The following FBXO9 variants were observed in gnomAD, a reference collection of about 807,000 sequenced individuals.
FBXO9 encodes F-box only protein 9.
A neutral mutation model predicts 63.7 loss-of-function variants in FBXO9; 43 were observed. The ratio of observed to expected loss-of-function variants is 0.67; its 90% CI spans 0.53 to 0.87. FBXO9 has a LOEUF of 0.87. Ranked by LOEUF, FBXO9 falls within the 40% of genes least tolerant of loss-of-function variation. The pLI is 0.00. For synonymous variants in FBXO9, 156 were observed against 171.7 expected, an observed-to-expected ratio of 0.91 and a Z score of 0.72; for missense variants, 442 against 533.2, an observed-to-expected ratio of 0.83 and a Z score of 1.68.
At chr6:53,081,952 C>T (rs1212370770) in intron 6 of FBXO9, among the ~76,000 whole-genome samples, 1 of 151,932 alleles carries the variant, frequency 6.6e-6, no homozygotes, top group African/African-American at 2.4e-5. Context: ...GACTGTAGTC[C>T]CACCTACTTG....
At chr6:53,089,190 T>C (rs1762978290) in intron 7 of FBXO9, among the ~76,000 whole-genome samples, 1 of 152,036 alleles carries the variant, frequency 6.6e-6, no homozygotes, top group South Asian at 2.1e-4. Context: ...TTCTCCTGCC[T>C]CAGCCTCCCC....
At chr6:53,090,366 A>G (rs1211051395) in intron 7 of FBXO9, among the ~76,000 whole-genome samples, 1 of 152,160 alleles carries the variant, frequency 6.6e-6, no homozygotes, top group Non-Finnish European at 1.5e-5. Context: ...TTAACTTGTA[A>G]TTGTATGTGA....
Position 53,082,530 on chromosome 6 carries a change from A to C in FBXO9, c.565A>C (p.Ile189Leu). Residue 189 changes from isoleucine to leucine, a missense_variant, in exon 7 of 13, where the codon ATC (isoleucine) becomes CTC (leucine). By Grantham distance (5) the Ile-to-Leu change is conservative (BLOSUM62 2). This residue lies in a region of FBXO9 where 262 missense variants were observed against 362.1 expected (regional missense o/e 0.72). Transcript: ENST00000323557. ...GCTGCCAATGGAGGTCCTGATGTAC[A>C]TCTTCCGATGGGTGGTGTCTAGTGA... ...SVLPMEVLMY[I>L]FRWVVSSDLD... 2 of 1,613,816 alleles carry C rather than the reference A, an allele frequency of 1.2e-6. No individual in the cohort carries two copies. Among genetic ancestry groups the C allele is most frequent in the South Asian group, 2.2e-5 (2 of 91,074 alleles).
At position 53,077,071 on chromosome 6, in the gene FBXO9, GCT is replaced by G. The variant is rs1187093900; in HGVS notation, c.307+531_307+532del. On this transcript the variant is annotated intron_variant, in intron 4 of 12. Coordinates refer to ENST00000323557, the MANE Select transcript of FBXO9 (RefSeq NM_033480.3). ...TTAAAAATTATTCATTTTAAAATAT[GCT>G]CTTTTTATAGGTGAAAATTGCTTCA... 3.9e-5 allele frequency among the ~76,000 whole-genome samples: 6 copies of G among 152,086 alleles called. No individual in the cohort carries two copies. In the South Asian group the frequency reaches 6.2e-4, roughly 16 times the overall value.
At chr6:53,092,960 A>C in intron 9 of FBXO9, 136 bp downstream of exon 9, 1 of 495,866 alleles carries the variant, frequency 2.0e-6, no homozygotes, top group Admixed American at 3.8e-5. Context: ...CAATGTAGGA[A>C]TTGCACTAAA....
At chr6:53,065,818 T>G (rs1396633356) in intron 1 of FBXO9, 26 bp downstream of exon 1, 7 of 1,329,430 alleles carry the variant, frequency 5.3e-6, no homozygotes, top group Non-Finnish European at 6.7e-6. Flanking sequence ...GGCTCGAGGG[T>G]GGACGCCGCG....
intron 7 of FBXO9, among the ~76,000 whole-genome samples, chr6:53,089,339 T>G (rs1276363561): frequency 6.6e-6 from 1 of 152,124 alleles, no homozygotes; most frequent in Non-Finnish European, 1.5e-5. Context: ...CCTCCCAAAG[T>G]GCTGGGATTA....
chr6:53,073,362 C>A, intron 2 of FBXO9, 119 bp from the exon 3 acceptor site: 1 of 591,428 alleles, frequency 1.7e-6, no homozygotes, highest in Non-Finnish European at 2.7e-6. Context: ...ACAGTGATTT[C>A]TGGACTTAGA....
chr6:53,082,564 T>C lies in FBXO9; in HGVS notation c.599T>C (p.Leu200Pro). The change falls in exon 7 of 13, where the codon CTC (leucine) becomes CCC (proline). Residue 200 changes from leucine to proline, a missense_variant. This residue lies in a region of FBXO9 where 262 missense variants were observed against 362.1 expected (regional missense o/e 0.72). Transcript: ENST00000323557. Reference sequence around the variant, plus strand: ...TGGGTGGTGTCTAGTGACTTGGACCTCAGATCATTGGAGCAGTTGTCGCTG... The same window carrying C: ...TGGGTGGTGTCTAGTGACTTGGACCCCAGATCATTGGAGCAGTTGTCGCTG... Reference protein sequence around the residue: ...FRWVVSSDLDLRSLEQLSLVC... With the variant: ...FRWVVSSDLDPRSLEQLSLVC... The C allele has an allele frequency of 1.2e-6, 2 of 1,613,854 alleles. No homozygotes were observed. Among genetic ancestry groups the C allele is most frequent in the Non-Finnish European group, 1.7e-6 (2 of 1,179,780 alleles).
Position 53,076,513 on chromosome 6 carries a change from G to A in FBXO9, c.277G>A (p.Glu93Lys). ...TCGAGAACTCTTCCTAAAAGCAGTA[G>A]AAGAAGAACAAAATGGAGCTCTCTA... The part of the protein sequence containing the change: ...KARELFLKAV[E>K]EEQNGALYEA... The change falls in exon 4 of 13, where the codon GAA becomes AAA. Residue 93 changes from glutamate (E) to lysine (K), a missense_variant. Glu to Lys is a moderately conservative substitution (Grantham distance 56). Coordinates refer to ENST00000323557, the MANE Select transcript of FBXO9 (RefSeq NM_033480.3). 1 of 1,545,590 alleles carries A rather than the reference G, an allele frequency of 6.5e-7. No homozygotes were observed. Among genetic ancestry groups the A allele is most frequent in the Admixed American group, 2.3e-5 (1 of 43,508 alleles).
In FBXO9 at chr6:53,098,508, A is replaced by T. The variant is rs1474038238; in HGVS notation, c.*678A>T. 6.6e-6 allele frequency: 1 copy of T among 152,258 alleles called. No individual in the cohort carries two copies. Among genetic ancestry groups the T allele is most frequent in the Non-Finnish European group, 1.5e-5 (1 of 68,114 alleles). 9.4% of individuals were successfully genotyped at this position (152,258 alleles called of 1,614,324 possible). A position where few individuals can be genotyped will look rare whatever the true frequency, so the allele number is the denominator to read the frequency against. On this transcript the variant is annotated 3_prime_UTR_variant, in exon 13 of 13. Coordinates refer to ENST00000323557, the MANE Select transcript of FBXO9 (RefSeq NM_033480.3). ...GTAGTCCCAGCTATTTGGGAGGCTGATGCAGGAGAATAGCTTAAGCCCAGG... is the reference window on the plus strand; with the variant it reads ...GTAGTCCCAGCTATTTGGGAGGCTGTTGCAGGAGAATAGCTTAAGCCCAGG...
chr6:53,095,651 C>T lies in FBXO9; in HGVS notation c.1192C>T (p.His398Tyr), dbSNP rs1429783405. The T allele has an allele frequency of 6.2e-7, 1 of 1,609,800 alleles. No homozygotes were observed. Among genetic ancestry groups the T allele is most frequent in the South Asian group, 1.1e-5 (1 of 90,102 alleles). The change falls in exon 12 of 13, where the codon CAC (histidine) becomes TAC (tyrosine). Residue 398 changes from histidine (H) to tyrosine (Y), a missense_variant. Physicochemically the swap from His to Tyr is moderately conservative, Grantham distance 83. This residue lies in a region of FBXO9 where 262 missense variants were observed against 362.1 expected (regional missense o/e 0.72). Transcript: ENST00000323557. ...NKLIWIHHSC[H>Y]ITYKSTGETA... is the part of the protein sequence containing the mutation. ...ACTCATCTGGATACATCATTCTTGTCACATTACTTACAAGTAGGTGAATGC... is the reference window on the plus strand; with the variant it reads ...ACTCATCTGGATACATCATTCTTGTTACATTACTTACAAGTAGGTGAATGC...
At chr6:53,082,238 A>G (rs781775584) in intron 6 of FBXO9, among the ~76,000 whole-genome samples, 2 of 152,222 alleles carry the variant, frequency 1.3e-5, no homozygotes, top group Non-Finnish European at 2.9e-5. Flanking sequence ...ATTTATTTTA[A>G]TATGTCTGGC....
intron 6 of FBXO9, 96 bp from the exon 7 acceptor site, chr6:53,082,405 GATT>G: frequency 1.5e-6 from 1 of 689,514 alleles, no homozygotes; most frequent in Non-Finnish European, 2.5e-6. Flanking sequence ...CAGAGGGTGT[GATT>G]ATAAATTTCT....
Position 53,097,913 on chromosome 6 carries a change from TGTGC to T in FBXO9, c.*87_*90del, listed in dbSNP as rs1379808888. 8.5e-5 allele frequency: 14 copies of T among 163,984 alleles called. 1 individual carries two copies. Among genetic ancestry groups the T allele is most frequent in the Admixed American group, 2.1e-4 (2 of 9,422 alleles). 10.2% of individuals were successfully genotyped at this position (163,984 alleles called of 1,614,324 possible). A position where few individuals can be genotyped will look rare whatever the true frequency, so the allele number is the denominator to read the frequency against. The stretch of plus-strand genomic sequence containing the variant: ...AGCACCTAAGTTATAAATGTGTGTG[TGTGC>T]GTGTGTGTGTATATATATATATATA... On this transcript the variant is annotated 3_prime_UTR_variant, in exon 13 of 13. Transcript: ENST00000323557.
In FBXO9 at chr6:53,092,501, G is replaced by C; in HGVS notation, c.726G>C (p.Thr242=). ...GCTGTATTAAACTTGTTCCGTACAC[G>C]TCCTGGAGAGAGATGTTTTTAGAAC... is the stretch of plus-strand genomic sequence containing the variant. ...GRSCIKLVPY[T]SWREMFLERP... Residue 242 remains threonine (T), a synonymous_variant, in exon 8 of 13, where the codon ACG becomes ACC. Coordinates refer to ENST00000323557, the MANE Select transcript of FBXO9 (RefSeq NM_033480.3). 3 of 1,613,900 alleles carry C rather than the reference G, an allele frequency of 1.9e-6. No individual in the cohort carries two copies. The East Asian group carries it at 6.7e-5, about 36-fold the overall frequency.
intron 9 of FBXO9, 36 bp from the exon 10 acceptor site, chr6:53,093,430 G>A: frequency 7.1e-7 from 1 of 1,399,342 alleles, no homozygotes. Context: ...CTTTGTGTGG[G>A]GGGTGTGTTT....
chr6:53,071,335 T>G (rs1390067249), intron 2 of FBXO9, among the ~76,000 whole-genome samples, 192 bp downstream of exon 2: 1 of 152,252 alleles, frequency 6.6e-6, no homozygotes, highest in Non-Finnish European at 1.5e-5. Flanking sequence ...TAATGGTTGC[T>G]TGTAGTTTAA....
chr6:53,085,735 G>A (rs1762858721), intron 7 of FBXO9, among the ~76,000 whole-genome samples: 1 of 151,512 alleles, frequency 6.6e-6, no homozygotes, highest in African/African-American at 2.4e-5. Context: ...AACTGAAAGA[G>A]GATCTAATAC....
Sources: gnomAD v4.1 joint callset for allele counts (sites outside exome capture counted in the v4.1 genomes callset) on GRCh38, gnomAD v4.1.1 for gene constraint, gnomAD v4.1.1 regional missense constraint, MANE v1.5 for transcripts, NCBI Gene and HGNC (gene_info 2026-07-23, HGNC 2026-07-21) for gene names.